Variants in PLEKHB2 observed in about 807,000 individuals in gnomAD.
The protein encoded by PLEKHB2 is pleckstrin homology domain containing B2.
In PLEKHB2, 31 loss-of-function variants were observed where a neutral mutation model predicts 36.5. That is an observed-to-expected ratio of 0.85 (90% CI 0.64 to 1.15). PLEKHB2 has a LOEUF of 1.15. Among genes scored for constraint, PLEKHB2 ranks in the 50% most tolerant of loss-of-function variants. PLEKHB2 has a pLI of 0.00. For missense variants in PLEKHB2, 262 were observed against 295.3 expected, an observed-to-expected ratio of 0.89 and a Z score of 0.83; for synonymous variants, 119 against 112.0, an observed-to-expected ratio of 1.06 and a Z score of -0.39.
intron 1 of PLEKHB2, 59 bp from the exon 2 acceptor site, chr2:131,120,875 C>T: frequency 1.3e-6 from 2 of 1,530,922 alleles, no homozygotes; most frequent in Non-Finnish European, 1.8e-6. Flanking sequence ...GAGACTCGGG[C>T]CGGACAGGCT....
chr2:131,135,673 G>A (rs925442543), intron 6 of PLEKHB2, among the ~76,000 whole-genome samples: 4 of 151,722 alleles, frequency 2.6e-5, no homozygotes, highest in Admixed American at 2.0e-4. Flanking sequence ...GCGAGATCTC[G>A]GCTCACTGCA....
intron 2 of PLEKHB2, among the ~76,000 whole-genome samples, chr2:131,123,316 T>A (rs1696718893): frequency 6.6e-6 from 1 of 152,184 alleles, no homozygotes; most frequent in Non-Finnish European, 1.5e-5. Context: ...GAGATACACA[T>A]GTGATGTGGT....
chr2:131,130,612 G>A, intron 4 of PLEKHB2, 109 bp from the exon 5 acceptor site: 1 of 835,964 alleles, frequency 1.2e-6, no homozygotes, highest in South Asian at 1.4e-5. Context: ...AAAGCCTGAA[G>A]ACTTGTTTTT....
chr2:131,127,414 A>G (rs1697207610), intron 4 of PLEKHB2, among the ~76,000 whole-genome samples: 1 of 152,252 alleles, frequency 6.6e-6, no homozygotes, highest in Non-Finnish European at 1.5e-5. Flanking sequence ...AAAGGACACC[A>G]ATCATAATGG....
At chr2:131,144,663 C>CA (rs1699106158) in intron 7 of PLEKHB2, among the ~76,000 whole-genome samples, 1 of 152,132 alleles carries the variant, frequency 6.6e-6, no homozygotes, top group African/African-American at 2.4e-5. Flanking sequence ...TTAAATTAGG[C>CA]AATTATAATA....
chr2:131,137,185 G>T (rs1698352263), intron 6 of PLEKHB2, among the ~76,000 whole-genome samples: 1 of 152,198 alleles, frequency 6.6e-6, no homozygotes, highest in African/African-American at 2.4e-5. Context: ...CTGACCTCGT[G>T]ATCTGCCCGC....
chr2:131,133,682 G>T (rs899379509), intron 6 of PLEKHB2, among the ~76,000 whole-genome samples: 1 of 152,116 alleles, frequency 6.6e-6, no homozygotes, highest in Admixed American at 6.6e-5. Context: ...AAATCTTCCT[G>T]CTGTGACACC....
At chr2:131,129,703 C>A (rs966453870) in intron 4 of PLEKHB2, among the ~76,000 whole-genome samples, 1 of 48,456 alleles carries the variant, frequency 2.1e-5, no homozygotes, top group East Asian at 3.0e-3. Context: ...TTGGTTTTAC[C>A]ATGTTGGCCA....
chr2:131,121,040 G>A (rs1402121761), intron 2 of PLEKHB2, 62 bp downstream of exon 2: 2 of 1,521,500 alleles, frequency 1.3e-6, no homozygotes, highest in South Asian at 1.2e-5. Context: ...ATTTCTGTTT[G>A]CTTAAAGTTG....
chr2:131,143,758 T>C (rs1468913690), intron 7 of PLEKHB2, among the ~76,000 whole-genome samples: 1 of 152,216 alleles, frequency 6.6e-6, no homozygotes, highest in African/African-American at 2.4e-5. Flanking sequence ...ATGGAGAGTT[T>C]TAAGCCCTAG....
intron 2 of PLEKHB2, among the ~76,000 whole-genome samples, chr2:131,121,972 C>T (rs1696565123): frequency 6.6e-6 from 1 of 152,076 alleles, no homozygotes; most frequent in African/African-American, 2.4e-5. Flanking sequence ...GATCTTGGCT[C>T]ACTGCAACCT....
chr2:131,111,542 G>A (rs1272713199), intron 1 of PLEKHB2, among the ~76,000 whole-genome samples: 2 of 149,026 alleles, frequency 1.3e-5, no homozygotes, highest in East Asian at 2.0e-4. Flanking sequence ...CCAGGCTGGA[G>A]TGCAGTGGCA....
Position 131,147,400 on chromosome 2 carries a change from T to A in PLEKHB2, c.*627T>A, listed in dbSNP as rs1699374550. The A allele has an allele frequency of 6.6e-6, 1 of 152,360 alleles. No individual in the cohort carries two copies. Among genetic ancestry groups the A allele is most frequent in the Admixed American group, 6.5e-5 (1 of 15,286 alleles). 9.4% of individuals were successfully genotyped at this position (152,360 alleles called of 1,614,324 possible). ...TCTGCCTGACCCTAGCTGCTGCTGC[T>A]GCTCACTTTATTCTTGTATGGCTTT... is the stretch of plus-strand genomic sequence containing the variant. On this transcript the variant is annotated 3_prime_UTR_variant, in exon 8 of 8. Transcript: ENST00000693505.
intron 6 of PLEKHB2, among the ~76,000 whole-genome samples, chr2:131,135,268 A>G (rs1157474083): frequency 6.6e-6 from 1 of 152,178 alleles, no homozygotes; most frequent in East Asian, 1.9e-4. Context: ...GGGTTTCACC[A>G]TGATGGCCAG....
chr2:131,105,922 C>G (rs1573502120), intron 1 of PLEKHB2, among the ~76,000 whole-genome samples: 1 of 151,780 alleles, frequency 6.6e-6, no homozygotes, highest in Admixed American at 6.6e-5. Flanking sequence ...CTTCTCAGTT[C>G]TCCTGCCCAG....
At chr2:131,131,073 G>A (rs1485339195) in intron 5 of PLEKHB2, among the ~76,000 whole-genome samples, 2 of 152,166 alleles carry the variant, frequency 1.3e-5, no homozygotes, top group African/African-American at 4.8e-5. Flanking sequence ...ACAGGCATGA[G>A]CCACCACACC....
At chr2:131,146,052 G>A (rs950481373) in intron 7 of PLEKHB2, among the ~76,000 whole-genome samples, 2 of 151,904 alleles carry the variant, frequency 1.3e-5, no homozygotes, top group African/African-American at 2.4e-5. Context: ...CGTGGTGGTG[G>A]GCGCCTATAG....
At position 131,120,958 on chromosome 2, in the gene PLEKHB2, G is replaced by C; in HGVS notation, c.17G>C (p.Ser6Thr). Residue 6 changes from serine to threonine, a missense_variant, in exon 2 of 8, where the codon AGT (serine) becomes ACT (threonine). By Grantham distance (58) the Ser-to-Thr change is moderately conservative. Transcript: ENST00000693505. ...GGTGAAGAGATGGCGTTTGTGAAGA[G>C]TGGCTGGTTGCTGCGACAGAGTGAG... MAFVK[S>T]GWLLRQSTIL... The C allele has an allele frequency of 6.2e-7, 1 of 1,614,256 alleles. No individual in the cohort carries two copies. The highest frequency in any genetic ancestry group is 8.5e-7 in the Non-Finnish European group (1 of 1,180,032).
In PLEKHB2 at chr2:131,147,680, C is replaced by G. The variant is rs1699395911; in HGVS notation, c.*907C>G. The G allele has an allele frequency of 6.6e-6, 1 of 152,094 alleles. No individual in the cohort carries two copies. The allele number at this position is 152,094 out of a possible 1,614,324, so 9.4% of individuals were successfully genotyped here. A position where few individuals can be genotyped will look rare whatever the true frequency, so the allele number is the denominator to read the frequency against. ...GGGCGTGGTGGCAGGCGCCTGTGGT[C>G]CCAGCTACTCGGGAGGCTGAGGCAG... On this transcript the variant is annotated 3_prime_UTR_variant, in exon 8 of 8. Transcript: ENST00000693505.
Sources: allele counts gnomAD v4.1 joint callset (sites outside exome capture counted in the v4.1 genomes callset), GRCh38; gene constraint gnomAD v4.1.1; transcripts MANE v1.5; gene names NCBI Gene and HGNC (gene_info 2026-07-23, HGNC 2026-07-21).